Variants in CALD1 observed in about 807,000 individuals in gnomAD.
CALD1 encodes the protein caldesmon 1, also known as caldesmon.
In CALD1, 33 loss-of-function variants were observed where a neutral mutation model predicts 99.9. The ratio of observed to expected loss-of-function variants is 0.33; its 90% CI spans 0.25 to 0.44. The LOEUF is 0.44. Ranked by LOEUF, CALD1 falls within the 20% of genes least tolerant of loss-of-function variation. The pLI is 1.00. For missense variants in CALD1, 861 were observed against 962.1 expected (o/e 0.89, Z 1.39); for synonymous variants, 310 against 325.0 (o/e 0.95, Z 0.50).
At chr7:134,801,931 C>T (rs1175343707) in intron 1 of CALD1, among the ~76,000 whole-genome samples, 1 of 152,116 alleles carries the variant, frequency 6.6e-6, no homozygotes, top group African/African-American at 2.4e-5. Context: ...GATATTATTA[C>T]ATTTTCTTCT....
chr7:134,876,313 T>C (rs192996554), intron 3 of CALD1, among the ~76,000 whole-genome samples: 7 of 152,314 alleles, frequency 4.6e-5, no homozygotes, highest in Middle Eastern at 3.4e-3. Flanking sequence ...GATCACCCAG[T>C]TAAGCTGTTT....
chr7:134,864,762 G>C (rs190298122), intron 2 of CALD1, among the ~76,000 whole-genome samples: 207 of 152,174 alleles, frequency 1.4e-3, no homozygotes, highest in African/African-American at 4.5e-3. Context: ...TGTTTTAAAA[G>C]AAAATCCTAT....
intron 1 of CALD1, among the ~76,000 whole-genome samples, chr7:134,839,758 T>A (rs6957362): frequency 0.011 from 1,622 of 152,260 alleles, 21 homozygotes; most frequent in African/African-American, 0.037. Context: ...GTCACGATCA[T>A]GGCTTACTGT....
chr7:134,855,398 A>C (rs1454078843), intron 2 of CALD1, among the ~76,000 whole-genome samples: 1 of 152,258 alleles, frequency 6.6e-6, no homozygotes. Flanking sequence ...TGATATGTGC[A>C]TTCCAAAGGA....
the CALD1 span, among the ~76,000 whole-genome samples, chr7:134,724,052 T>C: frequency 2.0e-5 from 3 of 152,202 alleles, no homozygotes; most frequent in African/African-American, 7.2e-5. Flanking sequence ...GCTCAGGGTT[T>C]GCTATGCGGC....
intron 1 of CALD1, among the ~76,000 whole-genome samples, chr7:134,830,148 C>T (rs1799162593): frequency 6.6e-6 from 1 of 152,026 alleles, no homozygotes; most frequent in South Asian, 2.1e-4. Context: ...AAGTATAAAG[C>T]TTAACACCCA....
chr7:134,932,285 C>T (rs981673466), intron 4 of CALD1, among the ~76,000 whole-genome samples: 3 of 152,230 alleles, frequency 2.0e-5, no homozygotes, highest in East Asian at 1.9e-4. Context: ...GGGTCACTGG[C>T]GTGAGTGTGG....
chr7:134,778,682 T>C (rs1796983558), upstream of CALD1, among the ~76,000 whole-genome samples: 1 of 152,084 alleles, frequency 6.6e-6, no homozygotes, highest in Admixed American at 6.6e-5. Flanking sequence ...CCATGAAGAG[T>C]TGGTCGGAGC....
intron 1 of CALD1, among the ~76,000 whole-genome samples, chr7:134,818,202 C>A (rs1586019130): frequency 6.6e-6 from 1 of 152,104 alleles, no homozygotes; most frequent in South Asian, 2.1e-4. Flanking sequence ...GCTTCATATT[C>A]TATGAGTAAT....
chr7:134,795,438 C>A lies in CALD1; in HGVS notation c.-130+15689C>A, dbSNP rs182311805. On this transcript the variant is annotated intron_variant, in intron 1 of 14. Transcript: ENST00000361675. ...TTCCACCATGATTGTGACACTTCCC[C>A]AGGAACTGTGAGTCAATTAAACCTC... 9.0e-4 allele frequency among the ~76,000 whole-genome samples: 137 copies of A among 152,304 alleles called. 1 individual carries two copies. Among genetic ancestry groups the A allele is most frequent in the African/African-American group, 3.0e-3 (125 of 41,570 alleles).
intron 12 of CALD1, 56 bp from the exon 13 acceptor site, chr7:134,960,477 T>A: frequency 9.7e-7 from 1 of 1,032,412 alleles, no homozygotes; most frequent in African/African-American, 1.6e-5. Flanking sequence ...TGAAAATTCC[T>A]TCCCAGGTAA....
At chr7:134,948,885 G>GT (rs966264613) in intron 8 of CALD1, among the ~76,000 whole-genome samples, 2 of 148,648 alleles carry the variant, frequency 1.3e-5, no homozygotes, top group Admixed American at 6.7e-5. Context: ...TTTTTTTATT[G>GT]TTTTTTTAGA....
At chr7:134,863,239 C>G (rs1218713212) in intron 2 of CALD1, among the ~76,000 whole-genome samples, 3 of 152,146 alleles carry the variant, frequency 2.0e-5, no homozygotes, top group Non-Finnish European at 4.4e-5. Flanking sequence ...TTTTTCTGCT[C>G]TAAGAAATAA....
intron 3 of CALD1, among the ~76,000 whole-genome samples, chr7:134,904,720 G>A (rs1586260074): frequency 1.3e-5 from 2 of 152,100 alleles, no homozygotes; most frequent in Non-Finnish European, 2.9e-5. Context: ...GGAAGTATTC[G>A]CTTCTTAGAA....
At chr7:134,751,614 A>G (rs1460756836) in intron 1 of CALD1, among the ~76,000 whole-genome samples, 1 of 152,054 alleles carries the variant, frequency 6.6e-6, no homozygotes, top group African/African-American at 2.4e-5. Flanking sequence ...TTGTAATTGT[A>G]CATTCAACCC....
chr7:134,789,051 AGTCTACAATTTCTACTTT>A (rs1797420056), intron 1 of CALD1, among the ~76,000 whole-genome samples: 1 of 150,530 alleles, frequency 6.6e-6, no homozygotes, highest in Non-Finnish European at 1.5e-5. Context: ...AAAAAAAAAA[AGTCTACAATTTCTACTTT>A]AAAAATACCT....
At chr7:134,794,551 A>C (rs1797673564) in intron 1 of CALD1, among the ~76,000 whole-genome samples, 1 of 152,134 alleles carries the variant, frequency 6.6e-6, no homozygotes, top group Non-Finnish European at 1.5e-5. Context: ...CAGTGGAGCA[A>C]TCTCAGCTCA....
chr7:134,718,992 C>T, the CALD1 span, among the ~76,000 whole-genome samples: 1 of 152,184 alleles, frequency 6.6e-6, no homozygotes, highest in Non-Finnish European at 1.5e-5. Flanking sequence ...AGCCTCATGA[C>T]TACTGTGTAC....
intron 13 of CALD1, among the ~76,000 whole-genome samples, chr7:134,963,452 G>A (rs1808429445): frequency 6.6e-6 from 1 of 152,188 alleles, no homozygotes. Flanking sequence ...CTATCTATCA[G>A]AAATATGTCC....
Sources: gnomAD v4.1 joint callset for allele counts (sites outside exome capture counted in the v4.1 genomes callset) on GRCh38, gnomAD v4.1.1 for gene constraint, MANE v1.5 for transcripts, NCBI Gene and HGNC (gene_info 2026-07-23, HGNC 2026-07-21) for gene names.